The following TICRR variants were observed in gnomAD, a reference collection of about 807,000 sequenced individuals.
The protein encoded by TICRR is treslin.
Under a neutral mutation model 178.1 loss-of-function variants are expected in TICRR, and 132 were observed. That is an observed-to-expected ratio of 0.74 (90% confidence interval 0.64 to 0.86). The LOEUF (loss-of-function observed/expected upper bound fraction) is 0.86, where lower values mean the gene tolerates loss of function less well. Ranked by LOEUF, TICRR falls within the 40% of genes least tolerant of loss-of-function variation. TICRR has a pLI of 0.00. For missense variants in TICRR, 2,587 were observed against 2,334.3 expected (o/e 1.11, Z -2.23); for synonymous variants, 991 against 900.7 (o/e 1.10, Z -1.79).
chr15:89,576,440 C>T (rs1962616314), intron 1 of TICRR, among the ~76,000 whole-genome samples, 200 bp downstream of exon 1: 1 of 152,124 alleles, frequency 6.6e-6, no homozygotes, highest in African/African-American at 2.4e-5. Context: ...TAAGACCCCT[C>T]ACAATTTGGG....
intron 1 of TICRR, among the ~76,000 whole-genome samples, chr15:89,581,088 G>A (rs1962716619): frequency 6.6e-6 from 1 of 152,162 alleles, no homozygotes; most frequent in Admixed American, 6.5e-5. Flanking sequence ...TGGGTTCTTG[G>A]ACTTGTCTAT....
At chr15:89,623,507 T>G in intron 19 of TICRR, 116 bp from the exon 20 acceptor site, 1 of 1,094,194 alleles carries the variant, frequency 9.1e-7, no homozygotes, top group Non-Finnish European at 1.3e-6. Flanking sequence ...TTTCCATCTT[T>G]AGATCATTCC....
chr15:89,577,704 G>C (rs1337217074), intron 1 of TICRR, among the ~76,000 whole-genome samples: 4 of 147,352 alleles, frequency 2.7e-5, no homozygotes, highest in Admixed American at 7.0e-5. Flanking sequence ...CACCTCCTGG[G>C]TTCAAGCAAT....
intron 4 of TICRR, among the ~76,000 whole-genome samples, chr15:89,588,135 A>C (rs561326314): frequency 6.6e-6 from 1 of 152,170 alleles, no homozygotes; most frequent in African/African-American, 2.4e-5. Context: ...CGATTGCTTC[A>C]GTTTTTTTAG....
rs200586089 is a variant in TICRR at position 89,623,775 on chromosome 15, G to A, written c.3465G>A (p.Glu1155=). The change falls in exon 20 of 22, where the codon GAG becomes GAA. Residue 1155 remains glutamate (E), a synonymous_variant. Transcript: ENST00000268138. The stretch of plus-strand genomic sequence containing the variant: ...CTACAAAGCAGGCAGCTTTTAAGGA[G>A]TCCTTAAAAGACTCCTCCTCACCCG... ...MTPTKQAAFK[E]SLKDSSSPGH... is the part of the protein sequence containing the mutation. The A allele has an allele frequency of 1.2e-6, 2 of 1,613,924 alleles. No homozygotes were observed. The highest frequency in any genetic ancestry group is 1.7e-6 in the Non-Finnish European group (2 of 1,179,982).
chr15:89,626,241 C>G (rs1440379090), intron 21 of TICRR, among the ~76,000 whole-genome samples, 180 bp downstream of exon 21: 1 of 152,190 alleles, frequency 6.6e-6, no homozygotes, highest in African/African-American at 2.4e-5. Context: ...AACTTGTGTG[C>G]ATGTGAACAG....
chr15:89,625,266 C>T lies in TICRR; in HGVS notation c.4956C>T (p.Gly1652=). ...GCCAGGCCTGTACCCCCACCCACGG[C>T]CCTTCTAGTACCCCCTCTCCATTTC... ...YICQACTPTH[G]PSSTPSPFQT... The change falls in exon 20 of 22, where the codon GGC becomes GGT. Residue 1652 remains glycine (G), a synonymous_variant. Coordinates refer to ENST00000268138, the MANE Select transcript of TICRR (RefSeq NM_152259.4). The T allele has an allele frequency of 1.9e-6, 3 of 1,613,570 alleles. No homozygotes were observed. The highest frequency in any genetic ancestry group is 2.5e-6 in the Non-Finnish European group (3 of 1,179,536).
In TICRR at chr15:89,625,905, A is replaced by G. The variant is rs200653728; in HGVS notation, c.5477-31A>G. The G allele has an allele frequency of 2.5e-5, 38 of 1,545,956 alleles. No homozygotes were observed. In the Admixed American group the frequency reaches 3.9e-4, roughly 16 times the overall value. On this transcript the variant is annotated intron_variant, in intron 20 of 21. Transcript: ENST00000268138. ...GGGCTTCCCGGTTGGGGGTCTGGGGACGCTGCTCTTACTATGTGGGATCTC... is the reference window on the plus strand; with the variant it reads ...GGGCTTCCCGGTTGGGGGTCTGGGGGCGCTGCTCTTACTATGTGGGATCTC...
intron 9 of TICRR, among the ~76,000 whole-genome samples, chr15:89,600,995 A>G (rs1212481567): frequency 7.2e-6 from 1 of 138,790 alleles, no homozygotes; most frequent in Non-Finnish European, 1.5e-5. Context: ...ACTGTGAGCT[A>G]TGATCCCAGT....
At chr15:89,585,443 C>T (rs567158828) in intron 3 of TICRR, among the ~76,000 whole-genome samples, 33 of 152,176 alleles carry the variant, frequency 2.2e-4, no homozygotes, top group African/African-American at 6.7e-4. Flanking sequence ...TACCTCAGGG[C>T]GATTGTGAGG....
intron 4 of TICRR, among the ~76,000 whole-genome samples, chr15:89,589,639 C>G (rs1962878374): frequency 6.6e-6 from 1 of 152,104 alleles, no homozygotes; most frequent in East Asian, 1.9e-4. Flanking sequence ...TCTCATAGAC[C>G]TTTACTGCAC....
chr15:89,612,479 C>T (rs752327602), intron 15 of TICRR, among the ~76,000 whole-genome samples: 6 of 152,182 alleles, frequency 3.9e-5, no homozygotes, highest in Non-Finnish European at 7.3e-5. Flanking sequence ...GCCCTAGCAC[C>T]AGCCAGCTGC....
rs1963551587 is a variant in TICRR at position 89,627,346 on chromosome 15, A to C, written c.*260A>C. 1 of 433,736 alleles carries C rather than the reference A, an allele frequency of 2.3e-6. No individual in the cohort carries two copies. Among genetic ancestry groups the C allele is most frequent in the South Asian group, 4.5e-5 (1 of 22,194 alleles). 26.9% of individuals were successfully genotyped at this position (433,736 alleles called of 1,614,324 possible). On this transcript the variant is annotated 3_prime_UTR_variant, in exon 22 of 22. Coordinates refer to ENST00000268138, the MANE Select transcript of TICRR (RefSeq NM_152259.4). The stretch of plus-strand genomic sequence containing the variant: ...CAGGCAGCCTGGGAGTCAGGAACCC[A>C]GACAAGGAATCCCATTCCAGCCTCA...
chr15:89,577,599 CTTTTTTTTTTTTTTT>C (rs71151513), intron 1 of TICRR, among the ~76,000 whole-genome samples: 2 of 60,858 alleles, frequency 3.3e-5, no homozygotes, highest in Non-Finnish European at 5.3e-5. Context: ...GAGGGAAGGC[CTTTTTTTTTTTTTTT>C]TTTTTTTTTT....
chr15:89,594,689 A>T, intron 6 of TICRR, 135 bp downstream of exon 6: 1 of 672,702 alleles, frequency 1.5e-6, no homozygotes, highest in Non-Finnish European at 2.3e-6. Flanking sequence ...TAAATTTTAA[A>T]ATAATTACAT....
intron 4 of TICRR, 145 bp from the exon 5 acceptor site, chr15:89,591,902 G>A: frequency 1.7e-6 from 1 of 579,188 alleles, no homozygotes; most frequent in Non-Finnish European, 2.9e-6. Flanking sequence ...AGCAGTTTGT[G>A]GTGCCGGAGA....
In TICRR at chr15:89,601,313, A is replaced by G. The variant is rs761689776; in HGVS notation, c.2169A>G (p.Val723=). ...TTCTCTCAAGGTGCCAGCTTCAGGTATTTCTTCGTTTGGAGATGTGTCTGC... is the reference window on the plus strand; with the variant it reads ...TTCTCTCAAGGTGCCAGCTTCAGGTGTTTCTTCGTTTGGAGATGTGTCTGC... ...EDKVRECQLQ[V]FLRLEMCLQC... Residue 723 remains valine (V), a synonymous_variant, in exon 10 of 22, where the codon GTA becomes GTG. Coordinates refer to ENST00000268138, the MANE Select transcript of TICRR (RefSeq NM_152259.4). 1.9e-6 allele frequency: 3 copies of G among 1,614,046 alleles called. No homozygotes were observed. Among genetic ancestry groups the G allele is most frequent in the East Asian group, 4.5e-5 (2 of 44,872 alleles).
In TICRR at chr15:89,624,400, C is replaced by G; in HGVS notation, c.4090C>G (p.Leu1364Val). ...SCPVPSTPPELSQRATLDTVP... is the reference protein window; with the variant it reads ...SCPVPSTPPEVSQRATLDTVP... ...CCCTGTTCCCTCAACTCCCCCTGAA[C>G]TCTCACAGAGAGCTACATTGGACAC... is the stretch of plus-strand genomic sequence containing the variant. The change falls in exon 20 of 22, where the codon CTC becomes GTC. Residue 1364 changes from leucine (L) to valine (V), a missense_variant. Physicochemically the swap from Leu to Val is conservative, Grantham distance 32. Transcript: ENST00000268138. The G allele has an allele frequency of 6.2e-7, 1 of 1,614,226 alleles. No individual in the cohort carries two copies. The highest frequency in any genetic ancestry group is 8.5e-7 in the Non-Finnish European group (1 of 1,180,036).
chr15:89,593,072 G>GT (rs1418284525), intron 5 of TICRR, among the ~76,000 whole-genome samples: 2 of 152,010 alleles, frequency 1.3e-5, no homozygotes, highest in Non-Finnish European at 2.9e-5. Context: ...CTTTGGTTTC[G>GT]TTTTTTTAAA....
Sources: allele counts gnomAD v4.1 joint callset (sites outside exome capture counted in the v4.1 genomes callset), GRCh38; gene constraint gnomAD v4.1.1; transcripts MANE v1.5; gene names NCBI Gene and HGNC (gene_info 2026-07-23, HGNC 2026-07-21).